Variants in LATS2 observed in about 807,000 individuals in gnomAD.
LATS2 encodes serine/threonine-protein kinase LATS2.
Under a neutral mutation model 76.0 loss-of-function variants are expected in LATS2, and 24 were observed. The observed-to-expected ratio is 0.32, with a 90% CI of 0.23 to 0.44. The LOEUF (loss-of-function observed/expected upper bound fraction) is 0.44. Ranked by LOEUF, LATS2 falls within the 20% of genes least tolerant of loss-of-function variation. LATS2 has a pLI of 1.00. For synonymous variants in LATS2, 692 were observed against 635.4 expected (o/e 1.09, Z -1.34); for missense variants, 1,286 against 1,481.2 (o/e 0.87, Z 2.16).
At chr13:20,990,218 G>A (rs922857439) in intron 3 of LATS2, among the ~76,000 whole-genome samples, 3 of 152,174 alleles carry the variant, frequency 2.0e-5, no homozygotes, top group Non-Finnish European at 1.5e-5. Context: ...AAATCAGCAC[G>A]GAACATGGGC....
intron 2 of LATS2, among the ~76,000 whole-genome samples, chr13:21,003,681 A>G (rs1458147068): frequency 2.0e-5 from 3 of 151,994 alleles, no homozygotes; most frequent in Non-Finnish European, 4.4e-5. Flanking sequence ...ATCTCAAGTG[A>G]TCCAGCCACC....
At chr13:21,007,948 C>T (rs1008672218) in intron 2 of LATS2, among the ~76,000 whole-genome samples, 2 of 150,012 alleles carry the variant, frequency 1.3e-5, no homozygotes, top group Non-Finnish European at 3.0e-5. Flanking sequence ...TTAGTAGAGA[C>T]AGGGTTTGCC....
chr13:20,981,755 C>A, intron 5 of LATS2, 107 bp from the exon 6 acceptor site: 1 of 893,878 alleles, frequency 1.1e-6, no homozygotes, highest in Non-Finnish European at 1.7e-6. Flanking sequence ...AAAGTCATTC[C>A]AATCAGCTCC....
Position 20,988,967 on chromosome 13 carries a change from G to T in LATS2, c.813C>A (p.Arg271=). The T allele has an allele frequency of 1.3e-6, 2 of 1,539,558 alleles. No homozygotes were observed. The highest frequency in any genetic ancestry group is 1.7e-6 in the Non-Finnish European group (2 of 1,148,310). The change falls in exon 4 of 8, where the codon CGC becomes CGA. Residue 271 remains arginine (R), a synonymous_variant. Coordinates refer to ENST00000382592, the MANE Select transcript of LATS2 (RefSeq NM_014572.3). ...PGEPLGYGVQ[R]SPSFQSKTPP... is the part of the protein sequence containing the mutation. Reference sequence around the variant, plus strand: ...GCGTCTTGCTCTGGAAGGAGGGGCTGCGCTGCACTCCGTAGCCCAGGGGTT... The same window carrying T: ...GCGTCTTGCTCTGGAAGGAGGGGCTTCGCTGCACTCCGTAGCCCAGGGGTT...
chr13:21,020,867 A>G (rs1361585094), intron 2 of LATS2, among the ~76,000 whole-genome samples: 1 of 152,152 alleles, frequency 6.6e-6, no homozygotes, highest in East Asian at 1.9e-4. Context: ...ACTACGTCAC[A>G]ATGCAGTGTA....
chr13:21,013,884 T>A (rs1413415455), intron 2 of LATS2, among the ~76,000 whole-genome samples: 7 of 151,902 alleles, frequency 4.6e-5, no homozygotes, highest in Non-Finnish European at 7.4e-5. Flanking sequence ...GATGGGAGGA[T>A]CGCTTGAGCC....
chr13:21,017,275 C>T (rs1318297509), intron 2 of LATS2, among the ~76,000 whole-genome samples: 2 of 152,208 alleles, frequency 1.3e-5, no homozygotes, highest in Non-Finnish European at 2.9e-5. Flanking sequence ...TTCTTTTGTA[C>T]TATGACTCAC....
rs369090182 is a variant in LATS2 at position 20,991,409 on chromosome 13, G to A, written c.343-5C>T. ...GAGAGCTCGGCCAGCCATCTCCTGG[G>A]AGGGAAGTAAAGGAGAGGTAAGTGC... is the stretch of plus-strand genomic sequence containing the variant. On this transcript the variant is annotated splice_region_variant and splice_polypyrimidine_tract_variant and intron_variant, in intron 2 of 7. Coordinates refer to ENST00000382592, the MANE Select transcript of LATS2 (RefSeq NM_014572.3). The surrounding 1 kb of genome is among the most constrained non-coding windows in gnomAD (Gnocchi z 4.9). 3.0e-5 allele frequency: 48 copies of A among 1,613,976 alleles called. No homozygotes were observed. The highest frequency in any genetic ancestry group is 3.8e-5 in the Non-Finnish European group (45 of 1,180,016).
intron 2 of LATS2, chr13:21,005,640 C>T (rs1314498995): frequency 6.6e-6 from 1 of 151,942 alleles, no homozygotes; most frequent in East Asian, 1.9e-4. Context: ...GGGAACACTA[C>T]CTTAGGAGGA....
chr13:21,028,939 C>T (rs1469779936), intron 2 of LATS2, among the ~76,000 whole-genome samples: 1 of 152,144 alleles, frequency 6.6e-6, no homozygotes, highest in Non-Finnish European at 1.5e-5. Context: ...GACCTTGTAT[C>T]CTGTGACCAT....
rs1384171412 is a variant in LATS2 at position 21,056,156 on chromosome 13, G to T, written c.-205+5190C>A. 2.0e-5 allele frequency among the ~76,000 whole-genome samples: 3 copies of T among 152,090 alleles called. No homozygotes were observed. The South Asian group carries it at 6.2e-4, about 32-fold the overall frequency. On this transcript the variant is annotated intron_variant, in intron 1 of 7. Coordinates refer to ENST00000382592, the MANE Select transcript of LATS2 (RefSeq NM_014572.3). ...TTGGGTCTTTTTTTTTGGTGGGGGG[G>T]GCAGGGTCTCACTCTGGTTGCCCAG...
intron 5 of LATS2, among the ~76,000 whole-genome samples, chr13:20,982,079 C>T (rs567466386): frequency 6.6e-6 from 1 of 152,142 alleles, no homozygotes; most frequent in East Asian, 1.9e-4. Flanking sequence ...TACTTCAATG[C>T]CAGAAAATGA....
intron 2 of LATS2, among the ~76,000 whole-genome samples, chr13:21,007,761 T>TAATATATATATATA (rs57849094): frequency 1.3e-4 from 1 of 7,792 alleles, no homozygotes; most frequent in African/African-American, 6.2e-4. Flanking sequence ...TATATATATA[T>TAATATATATATATA]TTTTTTTTTT....
At chr13:21,049,336 T>C (rs1341285053) in intron 1 of LATS2, among the ~76,000 whole-genome samples, 1 of 151,754 alleles carries the variant, frequency 6.6e-6, no homozygotes, top group Non-Finnish European at 1.5e-5. Context: ...AAGGGACAAG[T>C]GCAACACTTC....
At chr13:21,020,560 C>T (rs9509487) in intron 2 of LATS2, among the ~76,000 whole-genome samples, 82,991 of 152,154 alleles carry the variant, frequency 0.55, 25,915 homozygotes, top group Non-Finnish European at 0.7. Flanking sequence ...TAATTCCTCT[C>T]GAGTACAGCT....
In LATS2 at chr13:21,007,584, TA is replaced by T. The variant is rs1565951959; in HGVS notation, c.343-16181del. ...ATATATATATATATATATATATATA[TA>T]TAGTATATATATATATAGTGTGTAT... On this transcript the variant is annotated intron_variant, in intron 2 of 7. Coordinates refer to ENST00000382592, the MANE Select transcript of LATS2 (RefSeq NM_014572.3). Among the ~76,000 whole-genome samples, 13 of 17,590 alleles carry T rather than the reference TA, an allele frequency of 7.4e-4. 4 individuals carry two copies. The highest frequency in any genetic ancestry group is 5.3e-3 in the African/African-American group (13 of 2,462). 11.5% of individuals were successfully genotyped at this position (17,590 alleles called of 152,430 possible). A position where few individuals can be genotyped will look rare whatever the true frequency, so the allele number is the denominator to read the frequency against.
At chr13:21,042,770 C>G (rs1157591652) in intron 2 of LATS2, among the ~76,000 whole-genome samples, 2 of 149,116 alleles carry the variant, frequency 1.3e-5, no homozygotes, top group Non-Finnish European at 3.0e-5. Flanking sequence ...GGGCGGATCA[C>G]AAGGTCAGGA....
intron 1 of LATS2, among the ~76,000 whole-genome samples, chr13:21,056,276 T>C (rs145384605): frequency 2.3e-3 from 347 of 152,134 alleles, no homozygotes; most frequent in African/African-American, 7.7e-3. Flanking sequence ...TGGACTCAAG[T>C]GATCCCCCCG....
At position 20,975,140 on chromosome 13, in the gene LATS2, G is replaced by A; in HGVS notation, c.2997C>T (p.Thr999=). 3.7e-6 allele frequency: 6 copies of A among 1,614,216 alleles called. No homozygotes were observed. Among genetic ancestry groups the A allele is most frequent in the Non-Finnish European group, 5.1e-6 (6 of 1,180,040 alleles). Reference sequence around the variant, plus strand: ...CTTCATCTACGGGGTCGAAATTCGAGGTGTCCATGGGGTGGCTGATGGTGG... The same window carrying A: ...CTTCATCTACGGGGTCGAAATTCGAAGTGTCCATGGGGTGGCTGATGGTGG... ...YVPTISHPMD[T]SNFDPVDEES... The change falls in exon 8 of 8, where the codon ACC becomes ACT. Residue 999 remains threonine (T), a synonymous_variant. Coordinates refer to ENST00000382592, the MANE Select transcript of LATS2 (RefSeq NM_014572.3).
Sources: allele counts gnomAD v4.1 joint callset (sites outside exome capture counted in the v4.1 genomes callset), GRCh38; gene constraint gnomAD v4.1.1; non-coding constraint Gnocchi (gnomAD v3.1); transcripts MANE v1.5; gene names NCBI Gene and HGNC (gene_info 2026-07-23, HGNC 2026-07-21).